KLF15: variants seen among roughly 807,000 people sequenced by gnomAD.
KLF15 encodes KLF transcription factor 15.
In KLF15, 4 loss-of-function variants were observed where a neutral mutation model predicts 24.6. The observed-to-expected ratio is 0.16, with a 90% CI of 0.08 to 0.37. The LOEUF is 0.37. Ranked by LOEUF, KLF15 falls within the 10% of genes least tolerant of loss-of-function variation. The pLI is 1.00. For synonymous variants in KLF15, 246 were observed against 236.3 expected, an observed-to-expected ratio of 1.04 and a Z score of -0.37; for missense variants, 496 against 560.6, an observed-to-expected ratio of 0.88 and a Z score of 1.16.
intron 2 of KLF15, among the ~76,000 whole-genome samples, chr3:126,350,201 G>GCTC (rs2082571748): frequency 6.6e-6 from 1 of 152,186 alleles, no homozygotes; most frequent in African/African-American, 2.4e-5. Context: ...CCTTCTCTCG[G>GCTC]CTCCTCTAAC....
At chr3:126,293,122 C>T in the KLF15 span, among the ~76,000 whole-genome samples, 1 of 131,778 alleles carries the variant, frequency 7.6e-6, no homozygotes, top group Non-Finnish European at 1.6e-5. Flanking sequence ...CCAGCCTGGG[C>T]AACATAGCAA....
chr3:126,297,266 A>T, the KLF15 span, among the ~76,000 whole-genome samples: 2 of 152,162 alleles, frequency 1.3e-5, no homozygotes, highest in African/African-American at 2.4e-5. Context: ...TTAAGTAATG[A>T]ATCTGGAACT....
In KLF15 at chr3:126,352,762, C is replaced by G; in HGVS notation, c.161G>C (p.Ser54Thr). Residue 54 changes from serine to threonine, a missense_variant, in exon 2 of 3, where the codon AGT becomes ACT. Around this residue, in one of 3 missense-constraint regions of KLF15, gnomAD observed 399 missense variants for 423.1 expected, o/e 0.94. Transcript: ENST00000296233. Reference sequence around the variant, plus strand: ...GGAGCAGAGGGCTTGAGAGTCGGGACTGGAACAGGAGCAGGGGCTGGAGGC... The same window carrying G: ...GGAGCAGAGGGCTTGAGAGTCGGGAGTGGAACAGGAGCAGGGGCTGGAGGC... Reference protein sequence around the residue: ...SDASSPCSCSSPDSQALCSCY... With the variant: ...SDASSPCSCSTPDSQALCSCY... 6.4e-7 allele frequency: 1 copy of G among 1,574,566 alleles called. No individual in the cohort carries two copies. Among genetic ancestry groups the G allele is most frequent in the Non-Finnish European group, 8.6e-7 (1 of 1,159,674 alleles).
At chr3:126,327,488 G>C in the KLF15 span, among the ~76,000 whole-genome samples, 1 of 152,164 alleles carries the variant, frequency 6.6e-6, no homozygotes, top group African/African-American at 2.4e-5. Context: ...AAGAGATCAT[G>C]GGTGCTGTGG....
At chr3:126,341,774 G>C (rs7615776), downstream of KLF15, among the ~76,000 whole-genome samples, 3 of 151,942 alleles carry the variant, frequency 2.0e-5, no homozygotes, top group Non-Finnish European at 2.9e-5. Flanking sequence ...GGTTTTCACC[G>C]AGAAACACTT....
the KLF15 span, among the ~76,000 whole-genome samples, chr3:126,315,314 C>T: frequency 6.6e-6 from 1 of 152,214 alleles, no homozygotes; most frequent in African/African-American, 2.4e-5. Context: ...AGGGCTGTAA[C>T]TCCCAGTACA....
At chr3:126,341,743 C>T (rs1350336998), downstream of KLF15, among the ~76,000 whole-genome samples, 1 of 152,118 alleles carries the variant, frequency 6.6e-6, no homozygotes, top group Non-Finnish European at 1.5e-5. Flanking sequence ...GGTGCCCTAC[C>T]CCCAGCCTCC....
Position 126,352,646 on chromosome 3 carries a change from C to G in KLF15, c.277G>C (p.Gly93Arg). The part of the protein sequence containing the change: ...QATLGSGGGS[G>R]SSIGASSGPV... ...CCACTGCTGGCCCCAATGCTACTGC[C>G]GCTGCCCCCGCCACTGCCCAGCGTG... Residue 93 changes from glycine (G) to arginine (R), a missense_variant, in exon 2 of 3, where the codon GGC becomes CGC. Gly to Arg is a moderately radical substitution (Grantham distance 125). This residue lies in a region of KLF15 where 399 missense variants were observed against 423.1 expected (regional missense o/e 0.94). Coordinates refer to ENST00000296233, the MANE Select transcript of KLF15 (RefSeq NM_014079.4). 6.4e-7 allele frequency: 1 copy of G among 1,574,000 alleles called. No homozygotes were observed. Among genetic ancestry groups the G allele is most frequent in the Non-Finnish European group, 8.6e-7 (1 of 1,159,256 alleles).
the KLF15 span, among the ~76,000 whole-genome samples, chr3:126,331,992 G>A: frequency 5.9e-5 from 9 of 152,344 alleles, no homozygotes; most frequent in South Asian, 1.2e-3. Context: ...CGAGGCTGGG[G>A]GAGGGGCGCC....
At chr3:126,353,722 C>T (rs1221494658) in intron 1 of KLF15, among the ~76,000 whole-genome samples, 2 of 152,220 alleles carry the variant, frequency 1.3e-5, no homozygotes, top group Non-Finnish European at 2.9e-5. Context: ...GTCCTCAAAC[C>T]CCTCTGAGCC....
the KLF15 span, among the ~76,000 whole-genome samples, chr3:126,329,504 A>G: frequency 6.6e-6 from 1 of 152,174 alleles, no homozygotes; most frequent in Non-Finnish European, 1.5e-5. Flanking sequence ...TAATAAAATA[A>G]ATTAAATAAT....
chr3:126,309,920 C>T, the KLF15 span, among the ~76,000 whole-genome samples: 4 of 152,356 alleles, frequency 2.6e-5, no homozygotes, highest in East Asian at 5.8e-4. Flanking sequence ...AGGTATACAA[C>T]GTGGTATGGG....
the KLF15 span, among the ~76,000 whole-genome samples, chr3:126,316,383 C>G: frequency 8.3e-6 from 1 of 120,486 alleles, no homozygotes; most frequent in African/African-American, 3.4e-5. Flanking sequence ...AGGGAGTCCA[C>G]CGGCTGGAGC....
chr3:126,342,022 G>T (rs115420607), downstream of KLF15, among the ~76,000 whole-genome samples: 2 of 152,126 alleles, frequency 1.3e-5, no homozygotes, highest in Non-Finnish European at 2.9e-5. Flanking sequence ...AGCACAGGAC[G>T]TGTGGATGGG....
the KLF15 span, chr3:126,288,236 G>T: frequency 6.6e-6 from 1 of 152,236 alleles, no homozygotes; most frequent in Non-Finnish European, 1.5e-5. Context: ...TAAGGTAGAC[G>T]TGTGAATGGT....
At chr3:126,348,884 C>A (rs1013545987) in intron 2 of KLF15, among the ~76,000 whole-genome samples, 5 of 152,122 alleles carry the variant, frequency 3.3e-5, no homozygotes, top group African/African-American at 9.7e-5. Flanking sequence ...TAATGAGCTC[C>A]CCATGGCAGG....
the KLF15 span, among the ~76,000 whole-genome samples, chr3:126,328,617 G>A: frequency 6.6e-6 from 1 of 151,788 alleles, no homozygotes; most frequent in Non-Finnish European, 1.5e-5. Flanking sequence ...TTTTTATTAT[G>A]GCCAAAAGAA....
the KLF15 span, among the ~76,000 whole-genome samples, chr3:126,307,679 A>G: frequency 2.0e-5 from 3 of 152,158 alleles, no homozygotes; most frequent in Non-Finnish European, 4.4e-5. Flanking sequence ...ATTTCACATA[A>G]AGGTCAGGAT....
chr3:126,353,012 T>C, intron 1 of KLF15, 65 bp from the exon 2 acceptor site: 2 of 1,493,582 alleles, frequency 1.3e-6, no homozygotes, highest in Admixed American at 4.7e-5. Context: ...CTCGCAGGCC[T>C]CTGACCCCAC....
Sources: gnomAD v4.1 joint callset for allele counts (sites outside exome capture counted in the v4.1 genomes callset) on GRCh38, gnomAD v4.1.1 for gene constraint, gnomAD v4.1.1 regional missense constraint, MANE v1.5 for transcripts, NCBI Gene and HGNC (gene_info 2026-07-23, HGNC 2026-07-21) for gene names.